The following CSMD1 variants were observed in gnomAD, a reference collection of about 807,000 sequenced individuals.
CSMD1 encodes the protein CUB and sushi domain-containing protein 1.
CSMD1 carries 213 observed loss-of-function variants against 417.5 expected under a neutral mutation model. The ratio of observed to expected loss-of-function variants is 0.51; its 90% CI spans 0.46 to 0.57. CSMD1 has a LOEUF of 0.57. Ranked by LOEUF, CSMD1 falls within the 20% of genes least tolerant of loss-of-function variation. CSMD1 has a pLI of 0.00. For missense variants in CSMD1, 6,923 were observed against 4,529.7 expected, an observed-to-expected ratio of 1.53 and a Z score of -15.17; for synonymous variants, 2,862 against 1,736.8, an observed-to-expected ratio of 1.65 and a Z score of -16.11.
chr8:3,062,759 C>A (rs1454951726), intron 49 of CSMD1, among the ~76,000 whole-genome samples: 1 of 152,070 alleles, frequency 6.6e-6, no homozygotes, highest in East Asian at 1.9e-4. Context: ...AAATAAACAG[C>A]TAATTATTAC....
At position 3,110,266 on chromosome 8, in the gene CSMD1, G is replaced by T; in HGVS notation, c.6500C>A (p.Pro2167Gln). Residue 2167 changes from proline (P) to glutamine (Q), a missense_variant, in exon 43 of 70, where the codon CCG (proline) becomes CAG (glutamine). Physicochemically the swap from Pro to Gln is moderately conservative, Grantham distance 76. Transcript: ENST00000635120. ...IYSPGFPDEYPILKDCIWLIT... is the reference protein window; with the variant it reads ...IYSPGFPDEYQILKDCIWLIT... ...GAGCCAAATGCAGTCCTTCAGGATC[G>T]GATACTCATCAGGAAAGCCAGGGGA... 2 of 1,613,384 alleles carry T rather than the reference G, an allele frequency of 1.2e-6. No individual in the cohort carries two copies. Among genetic ancestry groups the T allele is most frequent in the Non-Finnish European group, 8.5e-7 (1 of 1,179,622 alleles).
intron 7 of CSMD1, among the ~76,000 whole-genome samples, chr8:3,648,878 T>G (rs1308498949): frequency 6.6e-6 from 1 of 152,214 alleles, no homozygotes; most frequent in Admixed American, 6.5e-5. Context: ...TTCAGCAGTT[T>G]CTGGTAGCTA....
intron 3 of CSMD1, among the ~76,000 whole-genome samples, chr8:4,073,613 C>T (rs1351401752): frequency 6.6e-6 from 1 of 151,978 alleles, no homozygotes; most frequent in Non-Finnish European, 1.5e-5. Flanking sequence ...ATAAATAAAG[C>T]AAAATGAATT....
At chr8:3,039,305 T>A (rs1810911215) in intron 50 of CSMD1, among the ~76,000 whole-genome samples, 1 of 147,296 alleles carries the variant, frequency 6.8e-6, no homozygotes, top group South Asian at 2.2e-4. Flanking sequence ...TTCCTTCCTC[T>A]CTCCCTCCCT....
intron 3 of CSMD1, among the ~76,000 whole-genome samples, chr8:4,039,986 G>C (rs1035687493): frequency 6.6e-6 from 1 of 152,176 alleles, no homozygotes; most frequent in African/African-American, 2.4e-5. Flanking sequence ...AGGGCACTCG[G>C]TACAGGTTAA....
At chr8:4,287,871 G>C (rs971075286) in intron 3 of CSMD1, among the ~76,000 whole-genome samples, 1 of 151,936 alleles carries the variant, frequency 6.6e-6, no homozygotes. Context: ...GTGAAAACAA[G>C]GGCAGTCTCA....
chr8:3,926,281 C>T (rs1442328827), intron 5 of CSMD1, among the ~76,000 whole-genome samples: 2 of 152,158 alleles, frequency 1.3e-5, no homozygotes, highest in East Asian at 1.9e-4. Context: ...CTAACCAATA[C>T]TCCCCTTGTG....
chr8:3,227,375 G>A (rs1798571607), intron 27 of CSMD1, among the ~76,000 whole-genome samples: 1 of 152,070 alleles, frequency 6.6e-6, no homozygotes, highest in African/African-American at 2.4e-5. Flanking sequence ...TCCAGCCTCG[G>A]CAACTGAGTG....
intron 1 of CSMD1, among the ~76,000 whole-genome samples, chr8:4,925,996 A>C (rs1024228889): frequency 1.3e-5 from 2 of 152,212 alleles, no homozygotes; most frequent in Non-Finnish European, 2.9e-5. Flanking sequence ...CATTCTTTCC[A>C]GGTTATATTT....
chr8:4,286,833 G>A (rs1290993546), intron 3 of CSMD1, among the ~76,000 whole-genome samples: 2 of 152,102 alleles, frequency 1.3e-5, no homozygotes, highest in Admixed American at 6.6e-5. Flanking sequence ...AGTTGCTGTT[G>A]CTGTTTGTTA....
At chr8:4,269,057 T>C (rs1804403724) in intron 3 of CSMD1, among the ~76,000 whole-genome samples, 1 of 152,188 alleles carries the variant, frequency 6.6e-6, no homozygotes, top group Non-Finnish European at 1.5e-5. Flanking sequence ...TCTTCGTCTT[T>C]TTGTTGTTTT....
intron 41 of CSMD1, among the ~76,000 whole-genome samples, chr8:3,134,204 CAAAAGAAAG>C (rs890664954): frequency 8.5e-5 from 13 of 152,116 alleles, no homozygotes; most frequent in African/African-American, 3.1e-4. Flanking sequence ...AAAAGAAAAA[CAAAAGAAAG>C]AAAAGAAAGA....
intron 7 of CSMD1, among the ~76,000 whole-genome samples, chr8:3,640,267 G>C (rs954022816): frequency 1.3e-5 from 2 of 152,172 alleles, no homozygotes; most frequent in African/African-American, 4.8e-5. Context: ...AATTCACTGA[G>C]GTAATGAGCC....
At chr8:3,111,857 T>A (rs1231657253) in intron 42 of CSMD1, among the ~76,000 whole-genome samples, 1 of 151,892 alleles carries the variant, frequency 6.6e-6, no homozygotes, top group Non-Finnish European at 1.5e-5. Flanking sequence ...AATGGGACCA[T>A]AAACCATGCT....
intron 10 of CSMD1, among the ~76,000 whole-genome samples, chr8:3,557,823 G>C (rs554566350): frequency 6.6e-6 from 1 of 152,166 alleles, no homozygotes; most frequent in Admixed American, 6.5e-5. Context: ...ATTATTAATA[G>C]CATTATCACC....
chr8:3,913,540 G>A (rs1216130125), intron 5 of CSMD1, among the ~76,000 whole-genome samples: 3 of 152,134 alleles, frequency 2.0e-5, no homozygotes, highest in Admixed American at 1.3e-4. Context: ...AGCCCTAGGT[G>A]CAAGTAATAA....
intron 2 of CSMD1, among the ~76,000 whole-genome samples, chr8:4,448,756 G>T (rs55696300): frequency 0.047 from 7,132 of 152,164 alleles, 243 homozygotes; most frequent in Non-Finnish European, 0.071. Flanking sequence ...ATGACATAAT[G>T]ACAACCATAT....
At chr8:3,722,085 G>A (rs1252662353) in intron 6 of CSMD1, among the ~76,000 whole-genome samples, 3 of 152,182 alleles carry the variant, frequency 2.0e-5, no homozygotes, top group Admixed American at 6.5e-5. Context: ...GCTCATGCCT[G>A]TAATCTCAGC....
chr8:2,958,889 A>G (rs929246273), intron 62 of CSMD1, among the ~76,000 whole-genome samples: 1 of 152,266 alleles, frequency 6.6e-6, no homozygotes. Flanking sequence ...CGGGAAGAAT[A>G]ACTACAAGTA....
Sources: gnomAD v4.1 joint callset for allele counts (sites outside exome capture counted in the v4.1 genomes callset) on GRCh38, gnomAD v4.1.1 for gene constraint, MANE v1.5 for transcripts, NCBI Gene and HGNC (gene_info 2026-07-23, HGNC 2026-07-21) for gene names.